SAMMSON: variants seen among roughly 807,000 people sequenced by gnomAD.
The protein encoded by SAMMSON is survival associated mitochondrial melanoma specific oncogenic non-coding RNA, also known as long intergenic non-protein coding RNA 1212.
At chr3:70,416,893 G>C (rs543944247) in intron 2 of SAMMSON, among the ~76,000 whole-genome samples, 77 of 152,064 alleles carry the variant, frequency 5.1e-4, no homozygotes, top group Non-Finnish European at 9.8e-4. Context: ...ACTGTCCCTG[G>C]AGTAAGCCAT....
At chr3:70,067,123 C>T (rs1371397734) in intron 3 of SAMMSON, among the ~76,000 whole-genome samples, 1 of 151,682 alleles carries the variant, frequency 6.6e-6, no homozygotes, top group Non-Finnish European at 1.5e-5. Flanking sequence ...AAAGCAAAAC[C>T]AGAACTGAAC....
intron 7 of SAMMSON, among the ~76,000 whole-genome samples, chr3:70,346,458 G>A (rs1354981590): frequency 2.0e-5 from 3 of 151,918 alleles, no homozygotes; most frequent in East Asian, 1.9e-4. Context: ...ATTAATTGTG[G>A]TTAAGGTCTG....
chr3:70,218,157 G>A (rs1048850670), intron 4 of SAMMSON, among the ~76,000 whole-genome samples: 1 of 152,234 alleles, frequency 6.6e-6, no homozygotes, highest in African/African-American at 2.4e-5. Context: ...TTAGCCCAGT[G>A]GTCTCCAAAG....
intron 4 of SAMMSON, among the ~76,000 whole-genome samples, chr3:70,202,115 G>A (rs1271082824): frequency 6.6e-6 from 1 of 152,154 alleles, no homozygotes; most frequent in South Asian, 2.1e-4. Context: ...ATAGTGGTTA[G>A]TGACTAGTGG....
At chr3:70,318,657 T>C (rs955101657) in intron 7 of SAMMSON, among the ~76,000 whole-genome samples, 10 of 152,188 alleles carry the variant, frequency 6.6e-5, no homozygotes, top group Middle Eastern at 3.4e-3. Context: ...GTGGGTTACA[T>C]TTTCTTGATT....
chr3:70,304,426 C>A (rs921501523), intron 7 of SAMMSON, among the ~76,000 whole-genome samples: 15 of 152,160 alleles, frequency 9.9e-5, no homozygotes, highest in African/African-American at 2.7e-4. Context: ...CATGGGGATA[C>A]CTCAGAGGCA....
chr3:70,300,277 T>G (rs1297414146), intron 7 of SAMMSON, among the ~76,000 whole-genome samples: 1 of 152,150 alleles, frequency 6.6e-6, no homozygotes, highest in Non-Finnish European at 1.5e-5. Context: ...TTAACATTTC[T>G]CCTTTATTTA....
chr3:70,403,254 G>A (rs1011970434), intron 2 of SAMMSON, among the ~76,000 whole-genome samples: 1 of 152,158 alleles, frequency 6.6e-6, no homozygotes, highest in African/African-American at 2.4e-5. Context: ...TTACAGCAGG[G>A]AAGCCAAAGA....
intron 6 of SAMMSON, among the ~76,000 whole-genome samples, chr3:70,270,979 C>T (rs2106671447): frequency 6.6e-6 from 1 of 152,012 alleles, no homozygotes; most frequent in East Asian, 1.9e-4. Flanking sequence ...CACATGTATA[C>T]CTATATAACA....
intron 4 of SAMMSON, chr3:70,204,637 A>G (rs1701273318): frequency 6.6e-6 from 1 of 151,744 alleles, no homozygotes; most frequent in Non-Finnish European, 1.5e-5. Context: ...TTGAATGAAG[A>G]GTAGTCAGCT....
chr3:70,310,331 A>T (rs1300471697), intron 7 of SAMMSON, among the ~76,000 whole-genome samples: 1 of 151,766 alleles, frequency 6.6e-6, no homozygotes, highest in East Asian at 1.9e-4. Context: ...TTTTCTTTTT[A>T]AAATAAGTAT....
chr3:70,340,437 G>A (rs1424078916), intron 7 of SAMMSON, among the ~76,000 whole-genome samples: 1 of 151,884 alleles, frequency 6.6e-6, no homozygotes. Flanking sequence ...TGCTTGAAAT[G>A]TTGGCCTTTG....
At chr3:70,298,577 A>G (rs774082600) in intron 7 of SAMMSON, among the ~76,000 whole-genome samples, 1 of 152,052 alleles carries the variant, frequency 6.6e-6, no homozygotes, top group Non-Finnish European at 1.5e-5. Context: ...TCTTCATCTA[A>G]TTTCATAACT....
chr3:70,290,106 G>C (rs1702216476), intron 6 of SAMMSON, among the ~76,000 whole-genome samples: 4 of 152,354 alleles, frequency 2.6e-5, no homozygotes, highest in African/African-American at 7.2e-5. Flanking sequence ...CTGGTGAGGA[G>C]CTGCGTTCCT....
intron 4 of SAMMSON, among the ~76,000 whole-genome samples, chr3:70,230,971 C>T (rs1194255797): frequency 2.0e-5 from 3 of 152,182 alleles, no homozygotes; most frequent in East Asian, 3.9e-4. Flanking sequence ...CGCAGTGATT[C>T]CCTGCTCCAG....
chr3:70,213,667 A>T (rs7643571), intron 4 of SAMMSON, among the ~76,000 whole-genome samples: 16,391 of 152,136 alleles, frequency 0.11, 1,335 homozygotes, highest in African/African-American at 0.22. Context: ...TTTGTATGAA[A>T]ATTTTGTGAA....
At chr3:70,396,839 C>CAGTGTTGGGGA (rs1204431145) in intron 2 of SAMMSON, among the ~76,000 whole-genome samples, 7 of 152,058 alleles carry the variant, frequency 4.6e-5, no homozygotes, top group African/African-American at 1.7e-4. Flanking sequence ...GTTGGGAAGA[C>CAGTGTTGGGGA]AGTGTTGGGG....
chr3:70,289,898 T>C (rs1575616951), intron 6 of SAMMSON, among the ~76,000 whole-genome samples: 1 of 151,980 alleles, frequency 6.6e-6, no homozygotes, highest in South Asian at 2.1e-4. Flanking sequence ...CGAGCCTTGG[T>C]TTTCAGCTCC....
chr3:70,301,264 C>CT, intron 7 of SAMMSON, among the ~76,000 whole-genome samples: 1 of 152,132 alleles, frequency 6.6e-6, no homozygotes, highest in African/African-American at 2.4e-5. Context: ...AACAAAAACA[C>CT]TTTTTAAATT....
Sources: gnomAD v4.1 joint callset for allele counts (sites outside exome capture counted in the v4.1 genomes callset) on GRCh38, gnomAD v4.1.1 for gene constraint, MANE v1.5 for transcripts, NCBI Gene and HGNC (gene_info 2026-07-23, HGNC 2026-07-21) for gene names.